Variants in DPP6 observed in about 807,000 individuals in gnomAD.
The protein encoded by DPP6 is dipeptidyl peptidase like 6.
Under a neutral mutation model 122.6 loss-of-function variants are expected in DPP6, and 69 were observed. The observed-to-expected ratio is 0.56, with a 90% CI of 0.46 to 0.69. The LOEUF is 0.69. Among genes scored for constraint, DPP6 ranks in the 30% least tolerant of loss-of-function variants. The pLI, the probability that DPP6 is intolerant of heterozygous loss-of-function variation, is 0.00. For synonymous variants in DPP6, 418 were observed against 433.1 expected (o/e 0.97, Z 0.43); for missense variants, 928 against 1,116.9 (o/e 0.83, Z 2.41).
rs1050633732 is a variant in DPP6 at position 154,892,787 on chromosome 7, G to A, written c.*307G>A. 3.3e-6 allele frequency: 2 copies of A among 600,864 alleles called. No individual in the cohort carries two copies. Among genetic ancestry groups the A allele is most frequent in the Non-Finnish European group, 6.3e-6 (2 of 316,328 alleles). 37.2% of individuals were successfully genotyped at this position (600,864 alleles called of 1,614,324 possible). A position where few individuals can be genotyped will look rare whatever the true frequency, so the allele number is the denominator to read the frequency against. ...AACAGAGCAAAGGATGGTGGCCGCA[G>A]GCCCCACGCGAGCCCACAGGACACC... On this transcript the variant is annotated 3_prime_UTR_variant, in exon 26 of 26. Coordinates refer to ENST00000377770, the MANE Select transcript of DPP6 (RefSeq NM_130797.4).
At chr7:154,680,469 A>T (rs1424070006) in intron 7 of DPP6, among the ~76,000 whole-genome samples, 1 of 152,222 alleles carries the variant, frequency 6.6e-6, no homozygotes, top group Non-Finnish European at 1.5e-5. Context: ...GAGGTATTAT[A>T]TAACCATTTA....
At chr7:154,146,435 T>A (rs562721217) in intron 1 of DPP6, among the ~76,000 whole-genome samples, 8 of 151,194 alleles carry the variant, frequency 5.3e-5, no homozygotes, top group African/African-American at 1.9e-4. Context: ...TTTTAAAGAT[T>A]GCTTTAGCTG....
chr7:154,739,634 C>T (rs919580612), intron 8 of DPP6, among the ~76,000 whole-genome samples: 53 of 151,720 alleles, frequency 3.5e-4, no homozygotes, highest in African/African-American at 1.1e-3. Flanking sequence ...TCATTTCACA[C>T]TTAAATGATA....
intron 3 of DPP6, among the ~76,000 whole-genome samples, chr7:154,497,962 A>T (rs1366872605): frequency 6.6e-6 from 1 of 152,134 alleles, no homozygotes; most frequent in African/African-American, 2.4e-5. Flanking sequence ...CAGCAGGATG[A>T]TGGGGGAGGA....
the DPP6 span, among the ~76,000 whole-genome samples, chr7:153,757,889 G>A: frequency 6.6e-6 from 1 of 152,194 alleles, no homozygotes; most frequent in Admixed American, 6.5e-5. Flanking sequence ...AACCCAGGAG[G>A]TAGAGGTTGC....
chr7:154,274,505 G>T (rs1401432834), intron 1 of DPP6, among the ~76,000 whole-genome samples: 1 of 152,132 alleles, frequency 6.6e-6, no homozygotes, highest in Non-Finnish European at 1.5e-5. Flanking sequence ...ACGCTAACAC[G>T]CTGACGAGGT....
At chr7:153,950,438 A>G (rs1266942677) in intron 1 of DPP6, among the ~76,000 whole-genome samples, 2 of 152,156 alleles carry the variant, frequency 1.3e-5, no homozygotes, top group Non-Finnish European at 2.9e-5. Flanking sequence ...TTTGTAGGTG[A>G]TGAGGAGGTA....
intron 8 of DPP6, among the ~76,000 whole-genome samples, chr7:154,737,139 G>A (rs548344266): frequency 6.6e-6 from 1 of 152,340 alleles, no homozygotes; most frequent in African/African-American, 2.4e-5. Context: ...AATGAATAGA[G>A]TAGGAATAGC....
At chr7:154,510,214 T>G (rs1825958506) in intron 3 of DPP6, among the ~76,000 whole-genome samples, 2 of 152,288 alleles carry the variant, frequency 1.3e-5, no homozygotes, top group South Asian at 4.1e-4. Context: ...GAAACCAAGT[T>G]CTGACCACTC....
Position 154,052,948 on chromosome 7 carries a change from C to A in DPP6, c.128C>A (p.Pro43His), listed in dbSNP as rs1395539890. 1 of 1,236,204 alleles carries A rather than the reference C, an allele frequency of 8.1e-7. No homozygotes were observed. Among genetic ancestry groups the A allele is most frequent in the Admixed American group, 3.4e-5 (1 of 29,262 alleles). The allele number at this position is 1,236,204 out of a possible 1,614,324, so 76.6% of individuals were successfully genotyped here. ...PEEDGGAGAK[P>H]LGPRAQAAAP... ...GAGGACGGCGGCGCAGGAGCCAAGC[C>A]CCTCGGCCCGCGGGCGCAGGCGGCG... Residue 43 changes from proline to histidine, a missense_variant, in exon 1 of 26, where the codon CCC (proline) becomes CAC (histidine). By Grantham distance (77) the Pro-to-His change is moderately conservative (BLOSUM62 -2). Transcript: ENST00000377770. This position sits in a 1 kb window ranked among gnomAD's most constrained non-coding sequence, Gnocchi z 4.8.
At chr7:153,788,750 G>T in the DPP6 span, among the ~76,000 whole-genome samples, 1 of 152,086 alleles carries the variant, frequency 6.6e-6, no homozygotes, top group Non-Finnish European at 1.5e-5. Context: ...GATCACCTGA[G>T]GTCAGGAGTT....
intron 1 of DPP6, among the ~76,000 whole-genome samples, chr7:153,924,411 T>C (rs1800793658): frequency 1.3e-5 from 2 of 152,254 alleles, no homozygotes; most frequent in Admixed American, 6.5e-5. Context: ...CCCGGCCTCA[T>C]TGAGGGTTTT....
intron 1 of DPP6, among the ~76,000 whole-genome samples, chr7:154,248,157 G>C (rs895260210): frequency 1.3e-5 from 2 of 152,032 alleles, no homozygotes; most frequent in Admixed American, 6.6e-5. Flanking sequence ...ATTCACAAAG[G>C]CTCCCCCTCC....
chr7:153,977,768 C>T (rs1306761939), intron 1 of DPP6, among the ~76,000 whole-genome samples: 1 of 152,018 alleles, frequency 6.6e-6, no homozygotes, highest in African/African-American at 2.4e-5. Flanking sequence ...CATTTGTTCT[C>T]ATTGTTCAAC....
In DPP6 at chr7:153,983,393, C is replaced by T. The variant is rs550554577; in HGVS notation, c.51+95659C>T. Among the ~76,000 whole-genome samples the T allele has an allele frequency of 3.3e-5, 5 of 152,342 alleles. No homozygotes were observed. In the South Asian group the frequency reaches 1.0e-3, roughly 32 times the overall value. ...AGCCTCAGTAATGGCGATCACCCCT[C>T]CCCTGACCAAGCTTGAGCATCCCAG... is the stretch of plus-strand genomic sequence containing the variant. On this transcript the variant is annotated intron_variant, in intron 1 of 25. Transcript: ENST00000404039.
intron 3 of DPP6, among the ~76,000 whole-genome samples, chr7:154,505,589 T>A (rs1825602967): frequency 6.6e-6 from 1 of 152,184 alleles, no homozygotes; most frequent in African/African-American, 2.4e-5. Context: ...GGAACATGGG[T>A]CACGTCTTTT....
At chr7:154,381,434 G>T (rs1011666477) in intron 1 of DPP6, among the ~76,000 whole-genome samples, 10 of 152,106 alleles carry the variant, frequency 6.6e-5, no homozygotes, top group African/African-American at 2.4e-4. Context: ...CCTCTATATG[G>T]GTCTGTGTGT....
chr7:153,808,094 T>TA, the DPP6 span, among the ~76,000 whole-genome samples: 2 of 152,126 alleles, frequency 1.3e-5, no homozygotes, highest in Non-Finnish European at 2.9e-5. Flanking sequence ...TGTGTATATT[T>TA]AGGGTGAGCG....
chr7:154,103,187 C>T (rs1172270542), intron 1 of DPP6, among the ~76,000 whole-genome samples: 1 of 152,166 alleles, frequency 6.6e-6, no homozygotes, highest in Non-Finnish European at 1.5e-5. Context: ...CCTGAGAAAG[C>T]TGATTCCGAC....
Sources: allele counts gnomAD v4.1 joint callset (sites outside exome capture counted in the v4.1 genomes callset), GRCh38; gene constraint gnomAD v4.1.1; non-coding constraint Gnocchi (gnomAD v3.1); transcripts MANE v1.5; gene names NCBI Gene and HGNC (gene_info 2026-07-23, HGNC 2026-07-21).